Variants in KAZN observed in about 807,000 individuals in gnomAD.
KAZN encodes the protein kazrin, periplakin interacting protein.
In KAZN, 40 loss-of-function variants were observed where a neutral mutation model predicts 87.4. That is an observed-to-expected ratio of 0.46 (90% CI 0.36 to 0.60). The LOEUF is 0.60. KAZN is among the 20% of genes least tolerant of loss of function. KAZN has a pLI of 0.00. For synonymous variants in KAZN, 466 were observed against 458.3 expected (o/e 1.02, Z -0.22); for missense variants, 898 against 1,073.9 (o/e 0.84, Z 2.29).
intron 2 of KAZN, among the ~76,000 whole-genome samples, chr1:14,454,881 G>T (rs1234406495): frequency 6.6e-6 from 1 of 152,198 alleles, no homozygotes; most frequent in Admixed American, 6.5e-5. Flanking sequence ...GTTTCTGAGG[G>T]TTAGGAATCT....
chr1:14,526,532 A>C (rs1188733994), intron 2 of KAZN, among the ~76,000 whole-genome samples: 1 of 152,250 alleles, frequency 6.6e-6, no homozygotes, highest in Admixed American at 6.5e-5. Flanking sequence ...CTGAGAACAA[A>C]GAACCCTCCG....
chr1:14,635,265 C>T (rs75569848), intron 1 of KAZN, among the ~76,000 whole-genome samples: 3,534 of 152,346 alleles, frequency 0.023, 81 homozygotes, highest in South Asian at 0.076. Flanking sequence ...AGTCCTTCAC[C>T]TGCTCTAAGT....
intron 2 of KAZN, among the ~76,000 whole-genome samples, chr1:14,248,444 CAAAG>C (rs1172495332): frequency 6.6e-6 from 1 of 152,154 alleles, no homozygotes; most frequent in African/African-American, 2.4e-5. Flanking sequence ...AGAGGGGTGA[CAAAG>C]AAGAATCGGA....
At chr1:14,999,355 T>C (rs1207057942) in intron 2 of KAZN, among the ~76,000 whole-genome samples, 2 of 152,260 alleles carry the variant, frequency 1.3e-5, no homozygotes, top group African/African-American at 4.8e-5. Flanking sequence ...GCCATGCTAA[T>C]GCTTCCTTTG....
At chr1:14,197,852 C>T (rs949779132) in intron 2 of KAZN, among the ~76,000 whole-genome samples, 1 of 152,058 alleles carries the variant, frequency 6.6e-6, no homozygotes, top group Non-Finnish European at 1.5e-5. Flanking sequence ...TTCTAAAAAA[C>T]AAGTTGATAT....
chr1:14,270,294 G>A (rs1651819227), intron 2 of KAZN, among the ~76,000 whole-genome samples: 1 of 152,206 alleles, frequency 6.6e-6, no homozygotes, highest in South Asian at 2.1e-4. Context: ...TGAGAAAATG[G>A]AGGAAAGGAC....
chr1:14,229,876 T>A (rs1647645684), intron 2 of KAZN, among the ~76,000 whole-genome samples: 1 of 152,272 alleles, frequency 6.6e-6, no homozygotes, highest in African/African-American at 2.4e-5. Flanking sequence ...GTGGCTCATT[T>A]GGTCCAGCAA....
intron 2 of KAZN, among the ~76,000 whole-genome samples, chr1:14,488,526 TG>T (rs575759726): frequency 2.0e-3 from 297 of 152,270 alleles, no homozygotes; most frequent in African/African-American, 6.7e-3. Context: ...ATCTAGAACA[TG>T]GGGCTTGTAA....
At chr1:14,364,509 G>A (rs1659801947) in intron 2 of KAZN, among the ~76,000 whole-genome samples, 1 of 152,088 alleles carries the variant, frequency 6.6e-6, no homozygotes. Flanking sequence ...GCCTAATAGA[G>A]TTATTTAGCA....
rs148376488 is a variant in KAZN, at chr1:14,704,698, C to T, written c.226+105475C>T. Reference sequence around the variant, plus strand: ...TTTCCATTTACTCCTCCCAGATCCTCTTTCTACCCTTGTGTTCTGCTCCCT... The same window carrying T: ...TTTCCATTTACTCCTCCCAGATCCTTTTTCTACCCTTGTGTTCTGCTCCCT... On this transcript the variant is annotated intron_variant, in intron 1 of 14. Transcript: ENST00000376030. Among the ~76,000 whole-genome samples, 23 of 152,310 alleles carry T rather than the reference C, an allele frequency of 1.5e-4. 1 individual carries two copies. The highest frequency in any genetic ancestry group is 1.0e-3 in the South Asian group (5 of 4,832).
At chr1:14,020,042 A>G (rs1640753656) in intron 1 of KAZN, among the ~76,000 whole-genome samples, 1 of 151,712 alleles carries the variant, frequency 6.6e-6, no homozygotes, top group Non-Finnish European at 1.5e-5. Flanking sequence ...TCTGGGGGTG[A>G]TGGGAGACAG....
At chr1:14,458,334 A>C (rs1445649868) in intron 2 of KAZN, among the ~76,000 whole-genome samples, 1 of 152,220 alleles carries the variant, frequency 6.6e-6, no homozygotes, top group Non-Finnish European at 1.5e-5. Context: ...AAAACTCTTC[A>C]TTAGTTCTAA....
chr1:14,437,122 A>C (rs1035844967), intron 2 of KAZN, among the ~76,000 whole-genome samples: 7 of 152,306 alleles, frequency 4.6e-5, no homozygotes, highest in African/African-American at 1.7e-4. Flanking sequence ...GATGTGTCCC[A>C]GTTAGATCCT....
intron 1 of KAZN, among the ~76,000 whole-genome samples, chr1:14,027,799 G>C (rs1226328908): frequency 1.3e-5 from 2 of 152,108 alleles, no homozygotes; most frequent in Non-Finnish European, 2.9e-5. Flanking sequence ...TTTTGTTATT[G>C]TTTTCTTTGA....
intron 2 of KAZN, among the ~76,000 whole-genome samples, chr1:14,205,066 C>T (rs1436286966): frequency 6.6e-6 from 1 of 152,190 alleles, no homozygotes; most frequent in East Asian, 1.9e-4. Flanking sequence ...CTTCTATCTC[C>T]AATTCTTCAT....
At chr1:14,728,674 A>G (rs1190254891) in intron 1 of KAZN, among the ~76,000 whole-genome samples, 1 of 152,114 alleles carries the variant, frequency 6.6e-6, no homozygotes, top group Non-Finnish European at 1.5e-5. Context: ...TGGCAGGAGC[A>G]TTGCTTTTGC....
At chr1:14,967,884 C>T (rs1386583134) in intron 2 of KAZN, among the ~76,000 whole-genome samples, 1 of 152,190 alleles carries the variant, frequency 6.6e-6, no homozygotes, top group Admixed American at 6.5e-5. Flanking sequence ...ACTATAAGAA[C>T]ATTCATTTGT....
At chr1:14,307,238 C>A (rs1029311459) in intron 2 of KAZN, among the ~76,000 whole-genome samples, 1 of 152,196 alleles carries the variant, frequency 6.6e-6, no homozygotes, top group African/African-American at 2.4e-5. Context: ...GATAACAGTC[C>A]ACTCTGCCTT....
chr1:13,914,465 A>T (rs1478095667), intron 1 of KAZN, among the ~76,000 whole-genome samples: 1 of 152,242 alleles, frequency 6.6e-6, no homozygotes. Context: ...CACAGGCAGC[A>T]TCCTGGTGGG....
Sources: gnomAD v4.1 joint callset for allele counts (sites outside exome capture counted in the v4.1 genomes callset) on GRCh38, gnomAD v4.1.1 for gene constraint, MANE v1.5 for transcripts, NCBI Gene and HGNC (gene_info 2026-07-23, HGNC 2026-07-21) for gene names.